DOCK3: variants seen among roughly 807,000 people sequenced by gnomAD.
The protein encoded by DOCK3 is dedicator of cytokinesis 3, also known as dedicator of cytokinesis protein 3.
In DOCK3, 60 loss-of-function variants were observed where a neutral mutation model predicts 265.6. The ratio of observed to expected loss-of-function variants is 0.23; its 90% CI spans 0.18 to 0.28. The LOEUF (loss-of-function observed/expected upper bound fraction) is 0.28. DOCK3 is among the 10% of genes least tolerant of loss of function. The pLI is 1.00. For synonymous variants in DOCK3, 881 were observed against 938.0 expected, an observed-to-expected ratio of 0.94 and a Z score of 1.11; for missense variants, 1,981 against 2,594.3, an observed-to-expected ratio of 0.76 and a Z score of 5.14.
At chr3:51,130,301 A>G (rs911986454) in intron 9 of DOCK3, among the ~76,000 whole-genome samples, 1 of 152,238 alleles carries the variant, frequency 6.6e-6, no homozygotes, top group African/African-American at 2.4e-5. Context: ...AAATAAGGTT[A>G]TGACACAAAG....
intron 4 of DOCK3, among the ~76,000 whole-genome samples, chr3:50,904,421 CCT>C (rs1357480572): frequency 6.6e-6 from 1 of 152,086 alleles, no homozygotes; most frequent in African/African-American, 2.4e-5. Flanking sequence ...CTCTCCAGCA[CCT>C]GTTGTTTCCT....
At chr3:50,704,849 G>A (rs973849887) in intron 1 of DOCK3, among the ~76,000 whole-genome samples, 4 of 151,902 alleles carry the variant, frequency 2.6e-5, no homozygotes, top group African/African-American at 4.8e-5. Flanking sequence ...GGCTGGTCTC[G>A]AACTCCTGAC....
intron 12 of DOCK3, among the ~76,000 whole-genome samples, chr3:51,191,519 G>A (rs1041982817): frequency 1.5e-4 from 23 of 152,090 alleles, no homozygotes; most frequent in African/African-American, 5.3e-4. Flanking sequence ...CTTCCCCTGT[G>A]GGCTGAATTG....
intron 15 of DOCK3, among the ~76,000 whole-genome samples, chr3:51,226,559 A>G (rs911576253): frequency 3.3e-5 from 5 of 152,222 alleles, no homozygotes; most frequent in Admixed American, 2.6e-4. Context: ...AGTAGTAGAA[A>G]CAACGATTTG....
chr3:51,173,188 G>A (rs1187079600), intron 12 of DOCK3, among the ~76,000 whole-genome samples: 5 of 151,970 alleles, frequency 3.3e-5, no homozygotes, highest in African/African-American at 4.8e-5. Context: ...TGGTACAATC[G>A]TGGCTCACTG....
intron 10 of DOCK3, among the ~76,000 whole-genome samples, chr3:51,147,320 A>ATT (rs1553771293): frequency 1.3e-5 from 2 of 151,702 alleles, no homozygotes; most frequent in Non-Finnish European, 2.9e-5. Flanking sequence ...TAATTGGGGG[A>ATT]TTTTTTCCTA....
intron 1 of DOCK3, among the ~76,000 whole-genome samples, chr3:50,754,012 T>G (rs2039999611): frequency 6.6e-6 from 1 of 151,670 alleles, no homozygotes; most frequent in Non-Finnish European, 1.5e-5. Flanking sequence ...AAAAATTAGC[T>G]GGGCGTGGTG....
intron 5 of DOCK3, among the ~76,000 whole-genome samples, chr3:51,001,778 C>T (rs917383990): frequency 2.6e-5 from 4 of 151,968 alleles, no homozygotes; most frequent in Non-Finnish European, 5.9e-5. Flanking sequence ...TATGAGAGTA[C>T]CAGTTGTTCT....
chr3:50,901,787 C>T (rs954824686), intron 4 of DOCK3: 10 of 423,782 alleles, frequency 2.4e-5, no homozygotes, highest in African/African-American at 1.6e-4. Context: ...TCAGCTCTCC[C>T]TCTGTGGGTT....
chr3:51,264,844 A>ATAAATAAATAAATAAG (rs2080072836), intron 23 of DOCK3, among the ~76,000 whole-genome samples: 1 of 151,090 alleles, frequency 6.6e-6, no homozygotes, highest in African/African-American at 2.4e-5. Context: ...AAATAAATAA[A>ATAAATAAATAAATAAG]TAAATAAATA....
At chr3:51,133,839 G>A (rs59557845) in intron 9 of DOCK3, among the ~76,000 whole-genome samples, 3,728 of 152,198 alleles carry the variant, frequency 0.024, 179 homozygotes, top group African/African-American at 0.085. Flanking sequence ...GCAGGATTGA[G>A]AAGGAACTTC....
At chr3:51,040,280 G>A (rs570269903) in intron 5 of DOCK3, among the ~76,000 whole-genome samples, 6 of 151,178 alleles carry the variant, frequency 4.0e-5, no homozygotes, top group East Asian at 3.9e-4. Context: ...TCTTACTACC[G>A]GCATACACCT....
chr3:51,359,256 C>T lies in DOCK3; in HGVS notation c.4884+1179C>T, dbSNP rs1351211937. The stretch of plus-strand genomic sequence containing the variant: ...CTGGTCATCTCCGTCCCTCCAGGCT[C>T]CCAGTGCAGGTCTCAGCCTGTGTGG... On this transcript the variant is annotated intron_variant, in intron 46 of 52. Coordinates refer to ENST00000266037, the MANE Select transcript of DOCK3 (RefSeq NM_004947.5). This position sits in a 1 kb window ranked among gnomAD's most constrained non-coding sequence, Gnocchi z 4.8. Among the ~76,000 whole-genome samples the T allele has an allele frequency of 6.6e-6, 1 of 152,194 alleles. No individual in the cohort carries two copies. Among genetic ancestry groups the T allele is most frequent in the Non-Finnish European group, 1.5e-5 (1 of 68,040 alleles).
At chr3:51,377,919 A>G (rs1279014886) in intron 51 of DOCK3, among the ~76,000 whole-genome samples, 1 of 152,132 alleles carries the variant, frequency 6.6e-6, no homozygotes, top group Non-Finnish European at 1.5e-5. Flanking sequence ...CCCATTTCTA[A>G]GCTTCCTATT....
At chr3:50,855,844 C>A (rs906760750) in intron 3 of DOCK3, among the ~76,000 whole-genome samples, 1 of 152,066 alleles carries the variant, frequency 6.6e-6, no homozygotes, top group Non-Finnish European at 1.5e-5. Context: ...CCTTTACCCC[C>A]ACCCCTGACA....
rs3073874 is a variant in DOCK3 at position 51,220,709 on chromosome 3, G to GTATA, written c.1253-4919_1253-4916dup. ...TATATGTGTGTGTGTGTGTGTGTGT[G>GTATA]TATATATATATATATATATATATAA... On this transcript the variant is annotated intron_variant, in intron 14 of 52. Coordinates refer to ENST00000266037, the MANE Select transcript of DOCK3 (RefSeq NM_004947.5). 1.5e-3 allele frequency among the ~76,000 whole-genome samples: 194 copies of GTATA among 132,372 alleles called. 2 individuals carry two copies. The highest frequency in any genetic ancestry group is 5.0e-3 in the East Asian group (22 of 4,396). 86.8% of individuals were successfully genotyped at this position (132,372 alleles called of 152,430 possible). A position where few individuals can be genotyped will look rare whatever the true frequency, so the allele number is the denominator to read the frequency against.
chr3:50,872,858 CA>C (rs1174823898), intron 3 of DOCK3, among the ~76,000 whole-genome samples: 1 of 152,202 alleles, frequency 6.6e-6, no homozygotes, highest in Non-Finnish European at 1.5e-5. Flanking sequence ...AGACTACCAC[CA>C]ATATTTTAAG....
intron 2 of DOCK3, among the ~76,000 whole-genome samples, chr3:50,802,538 A>T (rs1246417133): frequency 7.9e-5 from 12 of 152,072 alleles, no homozygotes; most frequent in Admixed American, 3.9e-4. Flanking sequence ...TGCTGGGTAT[A>T]ATATTCCTCA....
At chr3:50,821,950 G>A (rs1668721674) in intron 2 of DOCK3, among the ~76,000 whole-genome samples, 1 of 152,034 alleles carries the variant, frequency 6.6e-6, no homozygotes. Context: ...GGTGCTTCTG[G>A]CTTTGTTCTT....
Sources: gnomAD v4.1 joint callset for allele counts (sites outside exome capture counted in the v4.1 genomes callset) on GRCh38, gnomAD v4.1.1 for gene constraint, Gnocchi (gnomAD v3.1) non-coding constraint, MANE v1.5 for transcripts, NCBI Gene and HGNC (gene_info 2026-07-23, HGNC 2026-07-21) for gene names.